The following MTA1 variants were observed in gnomAD, a reference collection of about 807,000 sequenced individuals.
MTA1 encodes metastasis-associated protein MTA1.
In MTA1, 15 loss-of-function variants were observed where a neutral mutation model predicts 97.0. That is an observed-to-expected ratio of 0.15 (90% CI 0.10 to 0.24). MTA1 has a LOEUF of 0.24. Ranked by LOEUF, MTA1 falls within the 10% of genes least tolerant of loss-of-function variation. MTA1 has a pLI of 1.00. For missense variants in MTA1, 709 were observed against 1,015.1 expected (o/e 0.70, Z 4.10); for synonymous variants, 435 against 417.5 (o/e 1.04, Z -0.51).
At chr14:105,468,729 G>C (rs1486856431) in intron 18 of MTA1, among the ~76,000 whole-genome samples, 1 of 152,218 alleles carries the variant, frequency 6.6e-6, no homozygotes, top group Non-Finnish European at 1.5e-5. Context: ...AGCTGGTCCT[G>C]CTGGGAGCCG....
At chr14:105,436,570 G>A (rs1035416575) in intron 1 of MTA1, among the ~76,000 whole-genome samples, 42 of 152,218 alleles carry the variant, frequency 2.8e-4, no homozygotes, top group Non-Finnish European at 4.0e-4. Flanking sequence ...CCCACTGCAC[G>A]CAGCCGTCGT....
At chr14:105,467,494 G>A (rs1555433201) in intron 18 of MTA1, 1 of 455,836 alleles carries the variant, frequency 2.2e-6, no homozygotes, top group African/African-American at 2.0e-5. Context: ...GCTGCTGGGT[G>A]TCCTGGCAGG....
intron 2 of MTA1, among the ~76,000 whole-genome samples, chr14:105,439,056 G>A (rs999598931): frequency 1.4e-4 from 21 of 152,178 alleles, no homozygotes; most frequent in African/African-American, 5.1e-4. Context: ...GCGGAATGGT[G>A]TGATTCTGAA....
Position 105,463,432 on chromosome 14 carries a change from T to C in MTA1, c.1018-61T>C. 1.9e-6 allele frequency: 3 copies of C among 1,584,806 alleles called. No homozygotes were observed. The highest frequency in any genetic ancestry group is 2.6e-6 in the Non-Finnish European group (3 of 1,154,668). Reference sequence around the variant, plus strand: ...TCCTCTCCGTAGCCTCCAGCCTGTCTGCACTGCAGCCCCAACCTGGGCCTA... The same window carrying C: ...TCCTCTCCGTAGCCTCCAGCCTGTCCGCACTGCAGCCCCAACCTGGGCCTA... On this transcript the variant is annotated intron_variant, in intron 11 of 20. Transcript: ENST00000331320. This position sits in a 1 kb window ranked among gnomAD's most constrained non-coding sequence, Gnocchi z 5.9.
intron 3 of MTA1, among the ~76,000 whole-genome samples, chr14:105,448,065 C>A (rs1555427651): frequency 1.3e-5 from 2 of 152,136 alleles, no homozygotes; most frequent in East Asian, 1.9e-4. Flanking sequence ...AGCCCTCCCC[C>A]CGGCAGGGCT....
At chr14:105,453,106 CA>C (rs1174027083) in intron 6 of MTA1, among the ~76,000 whole-genome samples, 1 of 152,266 alleles carries the variant, frequency 6.6e-6, no homozygotes, top group Non-Finnish European at 1.5e-5. Context: ...AAAAGGTTGG[CA>C]AAGGCCATGT....
intron 8 of MTA1, among the ~76,000 whole-genome samples, chr14:105,458,671 A>G (rs2083244950): frequency 6.6e-6 from 1 of 152,082 alleles, no homozygotes; most frequent in South Asian, 2.1e-4. Flanking sequence ...CTCCTGGGCC[A>G]CTGGGAGCAA....
At chr14:105,455,194 C>T (rs1397204389) in intron 7 of MTA1, among the ~76,000 whole-genome samples, 1 of 152,250 alleles carries the variant, frequency 6.6e-6, no homozygotes, top group Non-Finnish European at 1.5e-5. Context: ...GTGTGAGCCA[C>T]TGCACCTGGC....
intron 7 of MTA1, among the ~76,000 whole-genome samples, chr14:105,456,040 G>A (rs587660440): frequency 2.0e-5 from 3 of 152,160 alleles, no homozygotes; most frequent in African/African-American, 7.2e-5. Flanking sequence ...ACTGTGCTGG[G>A]GCCCGGCCTG....
chr14:105,441,749 C>G (rs12432823), intron 2 of MTA1, among the ~76,000 whole-genome samples: 2,072 of 152,148 alleles, frequency 0.014, 10 homozygotes, highest in Middle Eastern at 0.027. Flanking sequence ...AGCCGAGATC[C>G]CGCCACTACA....
At chr14:105,432,160 A>G (rs781809643) in intron 1 of MTA1, among the ~76,000 whole-genome samples, 1 of 152,222 alleles carries the variant, frequency 6.6e-6, no homozygotes, top group Non-Finnish European at 1.5e-5. Flanking sequence ...CTAAAGCTGA[A>G]CATCTTGACT....
chr14:105,461,868 C>T (rs372479093), intron 10 of MTA1, among the ~76,000 whole-genome samples: 3 of 152,290 alleles, frequency 2.0e-5, no homozygotes, highest in Admixed American at 1.3e-4. Context: ...CTGGGGCCAG[C>T]GGCCTCTCCA....
chr14:105,434,436 A>G (rs2141454063), intron 1 of MTA1, among the ~76,000 whole-genome samples: 1 of 151,512 alleles, frequency 6.6e-6, no homozygotes, highest in South Asian at 2.1e-4. Context: ...TGCTCTTGTG[A>G]ATAGTACTTT....
At chr14:105,428,379 C>T (rs1399410458) in intron 1 of MTA1, among the ~76,000 whole-genome samples, 1 of 152,100 alleles carries the variant, frequency 6.6e-6, no homozygotes, top group East Asian at 1.9e-4. Flanking sequence ...CAGCCTCCAC[C>T]TCCCAGGCTC....
intron 6 of MTA1, among the ~76,000 whole-genome samples, chr14:105,450,987 A>G (rs1369253896): frequency 6.6e-6 from 1 of 152,200 alleles, no homozygotes; most frequent in African/African-American, 2.4e-5. Flanking sequence ...TGCCTGTCAC[A>G]GTTGCGGGGC....
chr14:105,468,262 G>A, intron 18 of MTA1: 1 of 1,280,772 alleles, frequency 7.8e-7, no homozygotes, highest in Non-Finnish European at 1.0e-6. Flanking sequence ...CCACCTGCGG[G>A]GCCTGCAGAT....
intron 18 of MTA1, chr14:105,467,227 A>G (rs2141705530): frequency 2.8e-6 from 1 of 361,012 alleles, no homozygotes; most frequent in Non-Finnish European, 5.5e-6. Context: ...GGTTGCTTGG[A>G]GCAGGGGCTG....
At chr14:105,427,741 C>T (rs782472858) in intron 1 of MTA1, among the ~76,000 whole-genome samples, 9 of 151,880 alleles carry the variant, frequency 5.9e-5, no homozygotes, top group East Asian at 1.9e-4. Flanking sequence ...AGGTTTAGGC[C>T]GGGCATGGTG....
chr14:105,469,520 G>A (rs2083741703), intron 19 of MTA1, 22 bp downstream of exon 19: 3 of 1,611,700 alleles, frequency 1.9e-6, no homozygotes, highest in African/African-American at 2.7e-5. Context: ...AACCCATGAT[G>A]GGGTACGGTG....
Sources: gnomAD v4.1 joint callset for allele counts (sites outside exome capture counted in the v4.1 genomes callset) on GRCh38, gnomAD v4.1.1 for gene constraint, Gnocchi (gnomAD v3.1) non-coding constraint, MANE v1.5 for transcripts, NCBI Gene and HGNC (gene_info 2026-07-23, HGNC 2026-07-21) for gene names.